ZNF273: variants seen among roughly 807,000 people sequenced by gnomAD.
ZNF273 encodes the protein zinc finger protein 9.
Under a neutral mutation model 14.9 loss-of-function variants are expected in ZNF273, and 11 were observed. The ratio of observed to expected loss-of-function variants is 0.74; its 90% confidence interval spans 0.46 to 1.22. The LOEUF is 1.22. Among genes scored for constraint, ZNF273 ranks in the 50% most tolerant of loss-of-function variants. ZNF273 has a pLI of 0.00. For missense variants in ZNF273, 577 were observed against 660.6 expected (o/e 0.87, Z 1.39); for synonymous variants, 199 against 223.9 (o/e 0.89, Z 0.99).
At chr7:64,931,453 A>T (rs986973384), downstream of ZNF273, among the ~76,000 whole-genome samples, 2 of 151,788 alleles carry the variant, frequency 1.3e-5, no homozygotes, top group African/African-American at 4.8e-5. Context: ...TACAACAATT[A>T]TTTTTTTTAT....
chr7:64,920,428 G>A (rs904522772), intron 3 of ZNF273, among the ~76,000 whole-genome samples: 2 of 152,208 alleles, frequency 1.3e-5, no homozygotes, highest in African/African-American at 4.8e-5. Flanking sequence ...TCAGGGAGCT[G>A]GAACTGAGTC....
chr7:64,890,977 T>G (rs1791994036), downstream of ZNF273, among the ~76,000 whole-genome samples: 1 of 152,196 alleles, frequency 6.6e-6, no homozygotes, highest in African/African-American at 2.4e-5. Context: ...CCATGAAGCT[T>G]TCAGCCCCAC....
At position 64,903,311 on chromosome 7, in the gene ZNF273, C is replaced by G. The variant is rs773305109; in HGVS notation, c.-7C>G. The G allele has an allele frequency of 3.7e-6, 6 of 1,608,308 alleles. No individual in the cohort carries two copies. The South Asian group carries it at 4.4e-5, about 12-fold the overall frequency. On this transcript the variant is annotated 5_prime_UTR_variant, in exon 1 of 4. Transcript: ENST00000476120. The stretch of plus-strand genomic sequence containing the variant: ...GTCGCAGCTCCAGGTCTCGTCTTCA[C>G]TGCTCTATGTCCTCTGCTCCTAGAG...
At chr7:64,888,848 T>G (rs1329531300) in exon 2 of ZNF273, 1 of 985,778 alleles carries the variant, frequency 1.0e-6, no homozygotes, top group East Asian at 1.1e-4. Context: ...GAACACAAAG[T>G]TGCTCAAGCC....
intron 1 of ZNF273, among the ~76,000 whole-genome samples, chr7:64,911,381 A>C (rs1424820374): frequency 6.6e-6 from 1 of 150,932 alleles, no homozygotes; most frequent in African/African-American, 2.4e-5. Context: ...CTCCTGCTCC[A>C]GCCTCCCAAA....
At chr7:64,885,742 C>T (rs953218365) in intron 1 of ZNF273, among the ~76,000 whole-genome samples, 2 of 152,078 alleles carry the variant, frequency 1.3e-5, no homozygotes, top group East Asian at 1.9e-4. Context: ...AGCCCGCCCA[C>T]GGAAAAGCTT....
downstream of ZNF273, among the ~76,000 whole-genome samples, chr7:64,892,235 A>T (rs1240015167): frequency 2.6e-5 from 4 of 152,240 alleles, no homozygotes; most frequent in African/African-American, 9.6e-5. Context: ...GAAAGAAAAC[A>T]ATTCTCTTGA....
intron 3 of ZNF273, among the ~76,000 whole-genome samples, chr7:64,895,241 G>C (rs1451458392): frequency 6.6e-6 from 1 of 152,184 alleles, no homozygotes; most frequent in East Asian, 1.9e-4. Context: ...TAAGTCTGGG[G>C]ATAGTGAATT....
At chr7:64,879,374 G>A (rs1464338869) in intron 2 of ZNF273, 1 of 152,250 alleles carries the variant, frequency 6.6e-6, no homozygotes, top group Non-Finnish European at 1.5e-5. Flanking sequence ...GTTCTCCCAA[G>A]CAATACTTGA....
chr7:64,903,444 C>T (rs780928564), intron 1 of ZNF273, 25 bp downstream of exon 1: 5 of 1,594,452 alleles, frequency 3.1e-6, no homozygotes, highest in East Asian at 4.5e-5. Context: ...TCCCAGATCC[C>T]GAGAGAGGGG....
At chr7:64,917,457 A>G in intron 1 of ZNF273, 124 bp from the exon 2 acceptor site, 1 of 1,389,806 alleles carries the variant, frequency 7.2e-7, no homozygotes, top group Non-Finnish European at 9.6e-7. Flanking sequence ...TTTATTGGAT[A>G]ATTTTAGTCA....
At chr7:64,931,867 G>C (rs1480588832), downstream of ZNF273, among the ~76,000 whole-genome samples, 6 of 152,136 alleles carry the variant, frequency 3.9e-5, no homozygotes, top group African/African-American at 1.4e-4. Flanking sequence ...ATGTGGAGAG[G>C]ACATTTTTTT....
At chr7:64,912,825 A>ATTTTTTT (rs1562959126) in intron 1 of ZNF273, among the ~76,000 whole-genome samples, 1 of 16,846 alleles carries the variant, frequency 5.9e-5, no homozygotes, top group Non-Finnish European at 3.5e-4. Context: ...GATTCATTTT[A>ATTTTTTT]GTTTTTTTTT....
intron 3 of ZNF273, among the ~76,000 whole-genome samples, chr7:64,921,605 CTTTTTTTTTTT>C (rs752363426): frequency 1.7e-4 from 10 of 57,968 alleles, no homozygotes; most frequent in African/African-American, 2.7e-4. Context: ...CATGCTAATG[CTTTTTTTTTTT>C]TTTTTTTTTT....
chr7:64,899,118 T>G (rs1186075639), upstream of ZNF273, among the ~76,000 whole-genome samples: 1 of 152,218 alleles, frequency 6.6e-6, no homozygotes, highest in African/African-American at 2.4e-5. Flanking sequence ...TAAAGAATTC[T>G]CCCTTCAAAT....
downstream of ZNF273, among the ~76,000 whole-genome samples, chr7:64,932,766 A>G (rs1356627977): frequency 1.3e-5 from 2 of 152,194 alleles, no homozygotes; most frequent in African/African-American, 4.8e-5. Context: ...TACTAAAAAT[A>G]CAAAAATTAG....
rs1189788942 is a variant in ZNF273 at position 64,930,753 on chromosome 7, T to C, written c.*1715T>C. The C allele has an allele frequency of 2.0e-5, 3 of 152,144 alleles. No individual in the cohort carries two copies. Among genetic ancestry groups the C allele is most frequent in the African/African-American group, 7.2e-5 (3 of 41,450 alleles). 9.4% of individuals were successfully genotyped at this position (152,144 alleles called of 1,614,324 possible). A position where few individuals can be genotyped will look rare whatever the true frequency, so the allele number is the denominator to read the frequency against. ...CTTATTTAAATTTATTGTTCTTATTTTTCATGGGTACATAGTATGTTTTTA... is the reference window on the plus strand; with the variant it reads ...CTTATTTAAATTTATTGTTCTTATTCTTCATGGGTACATAGTATGTTTTTA... On this transcript the variant is annotated 3_prime_UTR_variant, in exon 4 of 4. Transcript: ENST00000476120.
chr7:64,900,459 G>C (rs1198828962), upstream of ZNF273, among the ~76,000 whole-genome samples: 3 of 152,158 alleles, frequency 2.0e-5, no homozygotes. Context: ...CCCTGGCAAG[G>C]TTTCCCTTTT....
chr7:64,919,267 C>G (rs1794257439), intron 3 of ZNF273, among the ~76,000 whole-genome samples: 1 of 152,140 alleles, frequency 6.6e-6, no homozygotes, highest in Non-Finnish European at 1.5e-5. Flanking sequence ...ATAAATGGCA[C>G]TTTAACAATA....
Sources: gnomAD v4.1 joint callset for allele counts (sites outside exome capture counted in the v4.1 genomes callset) on GRCh38, gnomAD v4.1.1 for gene constraint, MANE v1.5 for transcripts, NCBI Gene and HGNC (gene_info 2026-07-23, HGNC 2026-07-21) for gene names.